CGGBP1: variants seen among roughly 807,000 people sequenced by gnomAD.
The protein encoded by CGGBP1 is CGG triplet repeat binding protein 1.
CGGBP1 carries 4 observed loss-of-function variants against 11.4 expected under a neutral mutation model. The observed-to-expected ratio is 0.35, with a 90% CI of 0.17 to 0.80. The LOEUF is 0.80. Among genes scored for constraint, CGGBP1 ranks in the 30% least tolerant of loss-of-function variants. The pLI is 0.52. For missense variants in CGGBP1, 135 were observed against 202.1 expected (o/e 0.67, Z 2.01); for synonymous variants, 76 against 74.1 (o/e 1.03, Z -0.13).
chr3:88,140,302 C>T, intron 2 of CGGBP1: 1 of 1,613,714 alleles, frequency 6.2e-7, no homozygotes. Flanking sequence ...GAGTCATCTG[C>T]ACAACCAAGT....
chr3:88,068,636 A>C (rs1338208903), intron 2 of CGGBP1, among the ~76,000 whole-genome samples: 1 of 152,160 alleles, frequency 6.6e-6, no homozygotes, highest in African/African-American at 2.4e-5. Context: ...GGAATGCTTT[A>C]TATATGTATA....
At chr3:88,100,619 A>T (rs1322254776) in intron 2 of CGGBP1, among the ~76,000 whole-genome samples, 1 of 152,242 alleles carries the variant, frequency 6.6e-6, no homozygotes, top group Non-Finnish European at 1.5e-5. Flanking sequence ...ACCATGGAAT[A>T]CGATGCAGCC....
chr3:88,060,172 C>T (rs553072569), upstream of CGGBP1, among the ~76,000 whole-genome samples: 13 of 152,162 alleles, frequency 8.5e-5, no homozygotes, highest in South Asian at 2.7e-3. Context: ...ATTAACTGCT[C>T]ATAATGAAAG....
upstream of CGGBP1, among the ~76,000 whole-genome samples, chr3:88,061,094 A>G (rs2107578766): frequency 6.6e-6 from 1 of 152,238 alleles, no homozygotes; most frequent in East Asian, 1.9e-4. Context: ...TTTTCAGAGC[A>G]CTTGTTTTGT....
At chr3:88,074,066 A>G (rs988605652) in intron 2 of CGGBP1, among the ~76,000 whole-genome samples, 13 of 152,192 alleles carry the variant, frequency 8.5e-5, no homozygotes, top group Admixed American at 7.9e-4. Flanking sequence ...TCAAATGTCC[A>G]CAAAAATAAG....
chr3:88,075,110 A>G (rs1241412230), intron 2 of CGGBP1, among the ~76,000 whole-genome samples: 10 of 152,042 alleles, frequency 6.6e-5, no homozygotes, highest in East Asian at 5.8e-4. Context: ...GATGTTTCCT[A>G]CTTTATATTT....
intron 2 of CGGBP1, among the ~76,000 whole-genome samples, chr3:88,115,792 C>G (rs935313984): frequency 1.3e-5 from 2 of 152,154 alleles, no homozygotes; most frequent in Middle Eastern, 3.2e-3. Flanking sequence ...TCATATGATG[C>G]ATCTGCCTCA....
At chr3:88,134,741 ATTATTT>A (rs982065442) in intron 2 of CGGBP1, among the ~76,000 whole-genome samples, 3 of 152,062 alleles carry the variant, frequency 2.0e-5, no homozygotes, top group Non-Finnish European at 4.4e-5. Context: ...GCCAAAGTTT[ATTATTT>A]TTAAGTAATA....
At chr3:88,079,285 A>G (rs1707964115) in intron 2 of CGGBP1, among the ~76,000 whole-genome samples, 1 of 152,094 alleles carries the variant, frequency 6.6e-6, no homozygotes, top group Non-Finnish European at 1.5e-5. Context: ...ATTTTGGAGC[A>G]CAAACAGATA....
chr3:88,084,979 G>T (rs1203402004), intron 2 of CGGBP1, among the ~76,000 whole-genome samples: 2 of 152,158 alleles, frequency 1.3e-5, no homozygotes, highest in African/African-American at 4.8e-5. Flanking sequence ...CATTATACTG[G>T]CTATAAACAG....
At chr3:88,121,641 A>G (rs1275774143) in intron 2 of CGGBP1, among the ~76,000 whole-genome samples, 1 of 152,196 alleles carries the variant, frequency 6.6e-6, no homozygotes, top group African/African-American at 2.4e-5. Flanking sequence ...CTTAAATTTT[A>G]TAACTTTATG....
Position 88,140,321 on chromosome 3 carries a change from T to G in CGGBP1, c.-229+649A>C, listed in dbSNP as rs770815826. On this transcript the variant is annotated intron_variant, in intron 2 of 3. Coordinates refer to the CGGBP1 transcript ENST00000462901. ...CATCTGCACAACCAAGTGAAACAAT[T>G]CTTTGGGATGTTCAGACAGACTCAA... 3.3e-5 allele frequency: 54 copies of G among 1,613,568 alleles called. No homozygotes were observed. The South Asian group carries it at 5.4e-4, about 16-fold the overall frequency.
At chr3:88,119,579 C>G (rs1705647818) in intron 2 of CGGBP1, among the ~76,000 whole-genome samples, 1 of 151,482 alleles carries the variant, frequency 6.6e-6, no homozygotes, top group Non-Finnish European at 1.5e-5. Flanking sequence ...TTATTGGAGA[C>G]TAACTAGCCC....
intron 2 of CGGBP1, among the ~76,000 whole-genome samples, chr3:88,082,643 T>G (rs1365725478): frequency 6.6e-6 from 1 of 152,150 alleles, no homozygotes; most frequent in African/African-American, 2.4e-5. Flanking sequence ...TCTAGTCTGT[T>G]AATAGGGGTT....
At chr3:88,092,507 GAA>G (rs1703804279) in intron 2 of CGGBP1, among the ~76,000 whole-genome samples, 1 of 152,130 alleles carries the variant, frequency 6.6e-6, no homozygotes, top group South Asian at 2.1e-4. Context: ...TACTCTGAAG[GAA>G]TGACAGGAAT....
intron 2 of CGGBP1, chr3:88,057,801 A>T (rs1255324661): frequency 6.6e-6 from 1 of 152,254 alleles, no homozygotes; most frequent in Non-Finnish European, 1.5e-5. Context: ...TCGTAATTTC[A>T]AGAAGTCTGT....
chr3:88,140,663 TACAAAC>T (rs1291768313), intron 2 of CGGBP1: 2 of 1,613,618 alleles, frequency 1.2e-6, no homozygotes, highest in African/African-American at 2.7e-5. Context: ...TGAAAATTGA[TACAAAC>T]AGAATCAGGA....
At chr3:88,067,476 G>T (rs4502603) in intron 2 of CGGBP1, among the ~76,000 whole-genome samples, 119,112 of 152,098 alleles carry the variant, frequency 0.78, 47,570 homozygotes, top group South Asian at 0.91. Context: ...AGAGAAAGTA[G>T]ACTAGGAAAA....
At chr3:88,139,928 T>G in intron 2 of CGGBP1, 1 of 1,613,714 alleles carries the variant, frequency 6.2e-7, no homozygotes, top group Non-Finnish European at 8.5e-7. Flanking sequence ...CTCTTGGTTG[T>G]GTCCGGATAT....
Sources: gnomAD v4.1 joint callset for allele counts (sites outside exome capture counted in the v4.1 genomes callset) on GRCh38, gnomAD v4.1.1 for gene constraint, MANE v1.5 for transcripts, NCBI Gene and HGNC (gene_info 2026-07-23, HGNC 2026-07-21) for gene names.